COL25A1: variants seen among roughly 807,000 people sequenced by gnomAD.
COL25A1 encodes the protein collagen alpha-1(XXV) chain.
COL25A1 carries 103 observed loss-of-function variants against 128.4 expected under a neutral mutation model. The observed-to-expected ratio is 0.80, with a 90% CI of 0.68 to 0.94. The LOEUF (loss-of-function observed/expected upper bound fraction) is 0.94. Among genes scored for constraint, COL25A1 ranks in the 40% least tolerant of loss-of-function variants. The probability of loss-of-function intolerance (pLI) is 0.00; values close to 1 mark genes in which losing one functional copy is unlikely to be tolerated. For missense variants in COL25A1, 745 were observed against 840.0 expected (o/e 0.89, Z 1.40); for synonymous variants, 279 against 277.2 (o/e 1.01, Z -0.06).
At chr4:108,816,670 T>C (rs1450266417) in intron 37 of COL25A1, among the ~76,000 whole-genome samples, 1 of 152,196 alleles carries the variant, frequency 6.6e-6, no homozygotes, top group Non-Finnish European at 1.5e-5. Flanking sequence ...ACTAGTTCTG[T>C]GCTCTTGGAA....
At chr4:109,156,444 G>T (rs1772043055) in intron 3 of COL25A1, among the ~76,000 whole-genome samples, 1 of 152,110 alleles carries the variant, frequency 6.6e-6, no homozygotes, top group African/African-American at 2.4e-5. Flanking sequence ...AGTTAAAAAT[G>T]TTTAATTCTT....
chr4:108,848,943 C>T (rs1215663860), intron 26 of COL25A1, 140 bp from the exon 27 acceptor site: 1 of 648,590 alleles, frequency 1.5e-6, no homozygotes, highest in East Asian at 2.6e-5. Context: ...TCTATTATAG[C>T]ACATATCTAA....
intron 3 of COL25A1, among the ~76,000 whole-genome samples, chr4:109,274,220 T>C (rs1229569881): frequency 1.3e-5 from 2 of 152,122 alleles, no homozygotes; most frequent in East Asian, 3.8e-4. Flanking sequence ...AAAAAAATGA[T>C]AATCAAAAGT....
intron 3 of COL25A1, among the ~76,000 whole-genome samples, chr4:109,095,415 A>G (rs1207516538): frequency 1.3e-5 from 2 of 152,184 alleles, no homozygotes; most frequent in African/African-American, 4.8e-5. Flanking sequence ...TGGGAAACTC[A>G]TTCCATTATT....
chr4:108,911,449 GTTC>G (rs759168246), intron 13 of COL25A1, among the ~76,000 whole-genome samples: 67,790 of 149,430 alleles, frequency 0.45, 18,076 homozygotes, highest in East Asian at 0.93. Context: ...TCATATAATT[GTTC>G]ATTTAATCTT....
At chr4:109,110,504 A>G (rs1418522231) in intron 3 of COL25A1, among the ~76,000 whole-genome samples, 1 of 152,170 alleles carries the variant, frequency 6.6e-6, no homozygotes, top group African/African-American at 2.4e-5. Flanking sequence ...CAAATTAAAT[A>G]TTAATGATTC....
chr4:109,026,393 T>C (rs1411302256), intron 5 of COL25A1, among the ~76,000 whole-genome samples: 2 of 151,994 alleles, frequency 1.3e-5, no homozygotes, highest in Non-Finnish European at 2.9e-5. Flanking sequence ...AAGTAGAAAG[T>C]TGGAATTTGT....
intron 3 of COL25A1, among the ~76,000 whole-genome samples, chr4:109,163,673 T>C (rs1772797731): frequency 6.6e-6 from 1 of 152,192 alleles, no homozygotes; most frequent in African/African-American, 2.4e-5. Context: ...AACTGAAGTC[T>C]GACTTTGGGA....
intron 31 of COL25A1, chr4:108,838,015 C>A: frequency 1.1e-6 from 1 of 935,116 alleles, no homozygotes; most frequent in Non-Finnish European, 1.7e-6. Flanking sequence ...ACAGTACGAG[C>A]TGCTGAGTAA....
chr4:108,960,317 C>T (rs547473202), intron 8 of COL25A1, among the ~76,000 whole-genome samples: 40 of 152,014 alleles, frequency 2.6e-4, no homozygotes, highest in Admixed American at 5.9e-4. Flanking sequence ...TTTTAAAAAA[C>T]GAAGATATAC....
intron 3 of COL25A1, among the ~76,000 whole-genome samples, chr4:109,259,287 A>G (rs1299414183): frequency 6.6e-6 from 1 of 152,242 alleles, no homozygotes; most frequent in African/African-American, 2.4e-5. Context: ...AGGTTTTTAG[A>G]TACTAAATCC....
At chr4:108,918,828 TGTGTGTGTAAGCACGTGTGGGC>T (rs1322226171) in intron 12 of COL25A1, among the ~76,000 whole-genome samples, 11 of 152,306 alleles carry the variant, frequency 7.2e-5, no homozygotes, top group Admixed American at 4.6e-4. Context: ...AAAGTTAAGG[TGTGTGTGTAAGCACGTGTGGGC>T]GTGTGTGTGC....
chr4:108,949,757 G>A (rs6827071), intron 8 of COL25A1, among the ~76,000 whole-genome samples: 6,583 of 152,024 alleles, frequency 0.043, 374 homozygotes, highest in African/African-American at 0.13. Flanking sequence ...GGATGGTCTC[G>A]TTCTCTTGAC....
At chr4:108,858,044 T>G (rs916713610) in intron 24 of COL25A1, among the ~76,000 whole-genome samples, 4 of 151,902 alleles carry the variant, frequency 2.6e-5, no homozygotes, top group African/African-American at 9.7e-5. Context: ...GATGAACACA[T>G]GCAAAAAGGA....
intron 3 of COL25A1, among the ~76,000 whole-genome samples, chr4:109,154,034 G>A (rs567831132): frequency 6.6e-6 from 1 of 152,276 alleles, no homozygotes; most frequent in East Asian, 1.9e-4. Flanking sequence ...GTTTAAAGTA[G>A]TAGCAACAAA....
intron 3 of COL25A1, among the ~76,000 whole-genome samples, chr4:109,243,339 C>G (rs957789206): frequency 1.3e-5 from 2 of 151,786 alleles, no homozygotes; most frequent in African/African-American, 4.8e-5. Context: ...GTGTATGAAC[C>G]AACTCTGCTT....
intron 3 of COL25A1, among the ~76,000 whole-genome samples, chr4:109,083,424 A>C (rs1764028434): frequency 6.8e-6 from 1 of 147,066 alleles, no homozygotes; most frequent in African/African-American, 2.5e-5. Flanking sequence ...ATACATAAAC[A>C]CCAATAACTT....
chr4:109,216,220 A>G (rs1411918442), intron 3 of COL25A1, among the ~76,000 whole-genome samples: 2 of 151,966 alleles, frequency 1.3e-5, no homozygotes, highest in Admixed American at 1.3e-4. Flanking sequence ...TCGGGCACAC[A>G]GCAGATGTTC....
At chr4:109,035,552 T>C (rs1458541772) in intron 5 of COL25A1, among the ~76,000 whole-genome samples, 2 of 152,160 alleles carry the variant, frequency 1.3e-5, no homozygotes, top group Non-Finnish European at 2.9e-5. Context: ...CTAGATAGTA[T>C]TGGAAGTTCT....
Sources: gnomAD v4.1 joint callset for allele counts (sites outside exome capture counted in the v4.1 genomes callset) on GRCh38, gnomAD v4.1.1 for gene constraint, MANE v1.5 for transcripts, NCBI Gene and HGNC (gene_info 2026-07-23, HGNC 2026-07-21) for gene names.